Variants in MAST4 observed in about 807,000 individuals in gnomAD.
The protein encoded by MAST4 is microtubule associated serine/threonine kinase family member 4.
A neutral mutation model predicts 162.7 loss-of-function variants in MAST4; 89 were observed. The ratio of observed to expected loss-of-function variants is 0.55; its 90% CI spans 0.46 to 0.65. The LOEUF is 0.65. MAST4 is among the 30% of genes least tolerant of loss of function. The pLI is 0.00. For synonymous variants in MAST4, 1,479 were observed against 1,361.1 expected, an observed-to-expected ratio of 1.09 and a Z score of -1.91; for missense variants, 3,153 against 3,374.0, an observed-to-expected ratio of 0.93 and a Z score of 1.62.
rs774344395 is a variant in MAST4 at position 67,164,374 on chromosome 5, C to G, written c.5195C>G (p.Pro1732Arg). ...PVRPTGGQQE[P>R]PPASESRAFV... The stretch of plus-strand genomic sequence containing the variant: ...CGACCCACGGGTGGGCAGCAGGAGC[C>G]CCCGCCGGCTTCTGAGAGCCGAGCT... Residue 1732 changes from proline to arginine, a missense_variant, in exon 29 of 29, where the codon CCC becomes CGC. This residue lies in a region of MAST4 where 1,644 missense variants were observed against 1,495.0 expected (regional missense o/e 1.10). Coordinates refer to ENST00000403625, the MANE Select transcript of MAST4 (RefSeq NM_001164664.2). This position sits in a 1 kb window ranked among gnomAD's most constrained non-coding sequence, Gnocchi z 5.3. 2.5e-6 allele frequency: 4 copies of G among 1,613,968 alleles called. No individual in the cohort carries two copies. The Admixed American group carries it at 6.7e-5, about 27-fold the overall frequency.
At chr5:67,102,053 C>T (rs1176669165) in intron 8 of MAST4, among the ~76,000 whole-genome samples, 1 of 150,582 alleles carries the variant, frequency 6.6e-6, no homozygotes, top group Admixed American at 6.7e-5. Context: ...TCAATTATGA[C>T]ACCTGTGCCA....
intron 7 of MAST4, 40 bp from the exon 8 acceptor site, chr5:67,100,395 T>C: frequency 6.2e-7 from 1 of 1,608,066 alleles, no homozygotes; most frequent in Non-Finnish European, 8.5e-7. Flanking sequence ...AAGAGTTTCT[T>C]TCTGAGGTAG....
chr5:66,669,534 G>A (rs1747477224), intron 1 of MAST4, among the ~76,000 whole-genome samples: 1 of 152,200 alleles, frequency 6.6e-6, no homozygotes, highest in Non-Finnish European at 1.5e-5. Flanking sequence ...TCCCTCCTGG[G>A]CTCAGCAGCA....
At chr5:67,065,607 T>C (rs1277756132) in intron 5 of MAST4, among the ~76,000 whole-genome samples, 1 of 152,204 alleles carries the variant, frequency 6.6e-6, no homozygotes, top group Non-Finnish European at 1.5e-5. Flanking sequence ...CACAGTGGCC[T>C]GTACCCATCA....
intron 2 of MAST4, among the ~76,000 whole-genome samples, chr5:66,765,099 C>T (rs1166737856): frequency 6.6e-6 from 1 of 152,146 alleles, no homozygotes; most frequent in Non-Finnish European, 1.5e-5. Context: ...ACGTTTGTAG[C>T]CTAGGAGTAA....
chr5:66,748,296 T>A (rs1304281892), intron 1 of MAST4, among the ~76,000 whole-genome samples: 1 of 151,970 alleles, frequency 6.6e-6, no homozygotes. Context: ...TAAAAAGAGA[T>A]GAGTCTTCAT....
intron 1 of MAST4, among the ~76,000 whole-genome samples, chr5:66,718,365 G>C (rs1415736045): frequency 6.6e-6 from 1 of 151,830 alleles, no homozygotes; most frequent in Non-Finnish European, 1.5e-5. Flanking sequence ...TCTTCTACAT[G>C]CTGGCATTTT....
At chr5:67,161,398 A>G (rs1014666273) in intron 27 of MAST4, among the ~76,000 whole-genome samples, 139 of 152,364 alleles carry the variant, frequency 9.1e-4, no homozygotes, top group African/African-American at 3.3e-3. Context: ...TATTTATAAT[A>G]TAAGATAAAA....
intron 10 of MAST4, 123 bp downstream of exon 10, chr5:67,104,698 A>T (rs1346908792): frequency 1.0e-5 from 3 of 287,450 alleles, no homozygotes; most frequent in Non-Finnish European, 1.7e-5. Context: ...AAAAAGAAGG[A>T]AAAAAAAAAA....
In MAST4 at chr5:66,786,411, T is replaced by C. The variant is rs76600897; in HGVS notation, c.518-2259T>C. On this transcript the variant is annotated intron_variant, in intron 2 of 28. Coordinates refer to ENST00000403625, the MANE Select transcript of MAST4 (RefSeq NM_001164664.2). The stretch of plus-strand genomic sequence containing the variant: ...CTTCTGTACCTCTCAATCATGCCCT[T>C]TTCCAAAACATGAACAAAGAAAATG... Among the ~76,000 whole-genome samples, 209 of 152,076 alleles carry C rather than the reference T, an allele frequency of 1.4e-3. 1 individual carries two copies. The highest frequency in any genetic ancestry group is 4.9e-3 in the African/African-American group (205 of 41,500).
chr5:66,985,611 G>T (rs1040685734), intron 4 of MAST4, among the ~76,000 whole-genome samples: 5 of 152,114 alleles, frequency 3.3e-5, no homozygotes, highest in Admixed American at 6.5e-5. Context: ...CCTGTAGCCT[G>T]CTTGTGTGTG....
At chr5:66,891,849 A>T (rs767765599) in intron 3 of MAST4, among the ~76,000 whole-genome samples, 9 of 152,244 alleles carry the variant, frequency 5.9e-5, no homozygotes, top group Non-Finnish European at 1.3e-4. Context: ...TTTAAACAAT[A>T]AAGAGACTCG....
intron 4 of MAST4, among the ~76,000 whole-genome samples, chr5:66,911,488 G>A (rs1173831869): frequency 6.7e-6 from 1 of 148,568 alleles, no homozygotes; most frequent in Non-Finnish European, 1.5e-5. Flanking sequence ...GATTGCTTGA[G>A]GTCTGGAGTT....
At position 67,165,674 on chromosome 5, in the gene MAST4, CAAGCCCAGCACTGCA is replaced by C. The variant is rs1773828641; in HGVS notation, c.6496_6510del (p.Lys2166_Ala2170del). ...ACGCTTCTGGCAGAGAGCCGGGGGCCAAGCCCAGCACTGCAGAGCCCAGCTCGAGCCCCCAGGACC... is the reference window on the plus strand; with the variant it reads ...ACGCTTCTGGCAGAGAGCCGGGGGCCGAGCCCAGCTCGAGCCCCCAGGACC... On this transcript the variant is annotated inframe_deletion, in exon 29 of 29. Coordinates refer to ENST00000403625, the MANE Select transcript of MAST4 (RefSeq NM_001164664.2). The C allele has an allele frequency of 6.3e-7, 1 of 1,593,052 alleles. No individual in the cohort carries two copies. Among genetic ancestry groups the C allele is most frequent in the African/African-American group, 1.3e-5 (1 of 74,342 alleles).
intron 1 of MAST4, among the ~76,000 whole-genome samples, chr5:66,747,811 C>T (rs77794430): frequency 0.052 from 7,847 of 152,222 alleles, 562 homozygotes; most frequent in African/African-American, 0.16. Context: ...GCAGGAAATT[C>T]AGTTAGCCTC....
At chr5:67,045,332 A>G (rs947719604) in intron 4 of MAST4, among the ~76,000 whole-genome samples, 1 of 152,214 alleles carries the variant, frequency 6.6e-6, no homozygotes. Context: ...GTTTACTGCA[A>G]TATGACAAGG....
intron 4 of MAST4, among the ~76,000 whole-genome samples, chr5:66,992,040 A>C (rs1057431736): frequency 2.6e-5 from 4 of 152,240 alleles, no homozygotes; most frequent in African/African-American, 9.6e-5. Flanking sequence ...ATGTGATTTA[A>C]TATATATTAA....
At chr5:66,792,065 A>G (rs1462825237) in intron 3 of MAST4, 1 of 156,370 alleles carries the variant, frequency 6.4e-6, no homozygotes, top group Non-Finnish European at 1.5e-5. Flanking sequence ...TGCCTCATTT[A>G]GATTGGATTA....
At chr5:66,843,095 A>G (rs1313833373) in intron 3 of MAST4, among the ~76,000 whole-genome samples, 1 of 151,966 alleles carries the variant, frequency 6.6e-6, no homozygotes, top group Non-Finnish European at 1.5e-5. Flanking sequence ...TTTTAAATCT[A>G]CTCCATGTAA....
Sources: allele counts gnomAD v4.1 joint callset (sites outside exome capture counted in the v4.1 genomes callset), GRCh38; gene constraint gnomAD v4.1.1; regional missense constraint gnomAD v4.1.1; non-coding constraint Gnocchi (gnomAD v3.1); transcripts MANE v1.5; gene names NCBI Gene and HGNC (gene_info 2026-07-23, HGNC 2026-07-21).